SLC4A4: variants seen among roughly 807,000 people sequenced by gnomAD.
SLC4A4 encodes the protein solute carrier family 4 member 4.
A neutral mutation model predicts 111.5 loss-of-function variants in SLC4A4; 27 were observed. The ratio of observed to expected loss-of-function variants is 0.24; its 90% CI spans 0.18 to 0.33. The LOEUF is 0.33. SLC4A4 is among the 10% of genes least tolerant of loss of function. SLC4A4 has a pLI of 1.00. For synonymous variants in SLC4A4, 443 were observed against 463.4 expected (o/e 0.96, Z 0.57); for missense variants, 909 against 1,315.5 (o/e 0.69, Z 4.78).
At chr4:71,209,164 T>C (rs1717976046) in intron 1 of SLC4A4, among the ~76,000 whole-genome samples, 1 of 152,218 alleles carries the variant, frequency 6.6e-6, no homozygotes, top group Non-Finnish European at 1.5e-5. Flanking sequence ...CCCCCCATGC[T>C]CAATATAATA....
chr4:71,203,855 A>T (rs770503119), intron 1 of SLC4A4, among the ~76,000 whole-genome samples: 9 of 152,216 alleles, frequency 5.9e-5, no homozygotes, highest in Admixed American at 2.6e-4. Context: ...TAGTTAGTAG[A>T]AGTATATTAA....
At chr4:71,322,632 C>T (rs1014731149) in intron 3 of SLC4A4, among the ~76,000 whole-genome samples, 1 of 151,916 alleles carries the variant, frequency 6.6e-6, no homozygotes, top group African/African-American at 2.4e-5. Flanking sequence ...CTGATGTGTT[C>T]ACTCTTAAGC....
chr4:71,187,489 C>T (rs1292769133), intron 1 of SLC4A4, 88 bp downstream of exon 1: 1 of 152,414 alleles, frequency 6.6e-6, no homozygotes, highest in Non-Finnish European at 1.5e-5. Flanking sequence ...GGGGCCGATT[C>T]CGTAGGGCGC....
chr4:71,455,135 G>T (rs1229388173), intron 12 of SLC4A4, among the ~76,000 whole-genome samples: 2 of 152,126 alleles, frequency 1.3e-5, no homozygotes, highest in Non-Finnish European at 1.5e-5. Flanking sequence ...TTCATTTTCT[G>T]ATCTTCAAAG....
intron 2 of SLC4A4, among the ~76,000 whole-genome samples, chr4:71,249,932 C>T (rs1374725785): frequency 1.3e-5 from 2 of 151,862 alleles, no homozygotes; most frequent in Admixed American, 6.6e-5. Flanking sequence ...TAGGATTATA[C>T]ATACTTGTCC....
intron 2 of SLC4A4, among the ~76,000 whole-genome samples, chr4:71,127,671 CTTT>C (rs1004311744): frequency 3.3e-5 from 5 of 151,914 alleles, no homozygotes; most frequent in African/African-American, 4.8e-5. Context: ...TTTTATTTCA[CTTT>C]TTAAGATATG....
intron 6 of SLC4A4, among the ~76,000 whole-genome samples, chr4:71,373,530 A>T (rs929382721): frequency 2.0e-5 from 3 of 152,212 alleles, no homozygotes; most frequent in Non-Finnish European, 4.4e-5. Context: ...AGTATAAATA[A>T]GAGTTTGTAT....
intron 1 of SLC4A4, among the ~76,000 whole-genome samples, chr4:71,235,254 T>C (rs1719721207): frequency 6.6e-6 from 1 of 152,232 alleles, no homozygotes; most frequent in Non-Finnish European, 1.5e-5. Context: ...TCTCACTTTT[T>C]ATGTTATGAT....
chr4:71,420,228 G>A (rs1722305257), intron 7 of SLC4A4, among the ~76,000 whole-genome samples: 1 of 152,200 alleles, frequency 6.6e-6, no homozygotes, highest in African/African-American at 2.4e-5. Flanking sequence ...CTGGAAGAAA[G>A]GGTATCAGTG....
chr4:71,223,244 C>G (rs1429368879), intron 1 of SLC4A4, among the ~76,000 whole-genome samples: 1 of 151,696 alleles, frequency 6.6e-6, no homozygotes, highest in Non-Finnish European at 1.5e-5. Flanking sequence ...GGCGCGATCT[C>G]AGCTCACTGC....
intron 16 of SLC4A4, among the ~76,000 whole-genome samples, chr4:71,502,895 A>G (rs994622231): frequency 2.0e-5 from 3 of 152,142 alleles, no homozygotes. Context: ...GATTTTCTGT[A>G]TAGATGATCT....
chr4:71,490,683 T>C (rs1238874965), intron 15 of SLC4A4, among the ~76,000 whole-genome samples: 1 of 151,824 alleles, frequency 6.6e-6, no homozygotes, highest in Admixed American at 6.6e-5. Context: ...GGGAACTCTT[T>C]TAGCTTTCCT....
intron 7 of SLC4A4, among the ~76,000 whole-genome samples, chr4:71,423,405 C>G (rs538114853): frequency 6.6e-6 from 1 of 152,282 alleles, no homozygotes; most frequent in South Asian, 2.1e-4. Context: ...TGAAAATGGC[C>G]ATACTGCCCA....
intron 12 of SLC4A4, among the ~76,000 whole-genome samples, chr4:71,463,683 C>A (rs55708524): frequency 0.022 from 3,358 of 152,176 alleles, 124 homozygotes; most frequent in African/African-American, 0.076. Context: ...ACCGAATGAG[C>A]AACAATGCCT....
At chr4:71,475,080 T>C (rs1490741928) in intron 14 of SLC4A4, among the ~76,000 whole-genome samples, 2 of 151,836 alleles carry the variant, frequency 1.3e-5, no homozygotes, top group Non-Finnish European at 2.9e-5. Context: ...CATTTATTAA[T>C]TTATACATAA....
intron 4 of SLC4A4, among the ~76,000 whole-genome samples, chr4:71,341,198 A>G (rs1272903104): frequency 6.6e-6 from 1 of 152,208 alleles, no homozygotes; most frequent in African/African-American, 2.4e-5. Flanking sequence ...TGTTTTAGGT[A>G]CCATGAATAT....
chr4:71,307,991 A>G (rs1266059623), intron 3 of SLC4A4, among the ~76,000 whole-genome samples: 2 of 151,920 alleles, frequency 1.3e-5, no homozygotes, highest in African/African-American at 4.8e-5. Flanking sequence ...TGATTCTGCC[A>G]CTCCCTGCTT....
At chr4:71,239,451 T>C (rs1447537610) in intron 2 of SLC4A4, among the ~76,000 whole-genome samples, 2 of 152,196 alleles carry the variant, frequency 1.3e-5, no homozygotes, top group African/African-American at 2.4e-5. Context: ...AGCCAGATAC[T>C]CTCTCTTAGT....
intron 7 of SLC4A4, among the ~76,000 whole-genome samples, chr4:71,409,756 A>G (rs2148998418): frequency 6.6e-6 from 1 of 152,234 alleles, no homozygotes; most frequent in Non-Finnish European, 1.5e-5. Context: ...AAATGTCTTC[A>G]GGCCATGTCA....
Sources: allele counts gnomAD v4.1 joint callset (sites outside exome capture counted in the v4.1 genomes callset), GRCh38; gene constraint gnomAD v4.1.1; transcripts MANE v1.5; gene names NCBI Gene and HGNC (gene_info 2026-07-23, HGNC 2026-07-21).